The following RGS13 variants were observed in gnomAD, a reference collection of about 807,000 sequenced individuals.
RGS13 encodes regulator of G protein signaling 13.
A neutral mutation model predicts 19.9 loss-of-function variants in RGS13; 14 were observed. The observed-to-expected ratio is 0.70, with a 90% CI of 0.46 to 1.10. The LOEUF (loss-of-function observed/expected upper bound fraction) is 1.10, where lower values mean the gene tolerates loss of function less well. Ranked by LOEUF, RGS13 falls within the 50% of genes least tolerant of loss-of-function variation. RGS13 has a pLI of 0.00. For missense variants in RGS13, 205 were observed against 187.1 expected, an observed-to-expected ratio of 1.10 and a Z score of -0.56; for synonymous variants, 60 against 56.8, an observed-to-expected ratio of 1.06 and a Z score of -0.25.
chr1:192,643,722 G>A (rs1242956579), intron 3 of RGS13, among the ~76,000 whole-genome samples: 3 of 152,170 alleles, frequency 2.0e-5, no homozygotes, highest in Non-Finnish European at 4.4e-5. Flanking sequence ...AGCTGAGGTT[G>A]GCAGGTTGTT....
intron 3 of RGS13, among the ~76,000 whole-genome samples, chr1:192,640,885 G>GA (rs1225430137): frequency 1.3e-5 from 2 of 152,040 alleles, no homozygotes; most frequent in Non-Finnish European, 2.9e-5. Context: ...TCAGGAACCT[G>GA]AAATTCTATT....
chr1:192,655,843 A>G (rs1403454489), intron 5 of RGS13, among the ~76,000 whole-genome samples: 1 of 152,094 alleles, frequency 6.6e-6, no homozygotes, highest in Non-Finnish European at 1.5e-5. Flanking sequence ...AGAGATAGAT[A>G]GATGGAAACA....
chr1:192,644,474 ACTG>A, intron 4 of RGS13, 75 bp downstream of exon 4: 1 of 1,065,766 alleles, frequency 9.4e-7, no homozygotes, highest in Non-Finnish European at 1.4e-6. Flanking sequence ...TATTTATTAA[ACTG>A]CTATTGTAAC....
chr1:192,658,134 T>A, intron 5 of RGS13, 67 bp from the exon 6 acceptor site: 1 of 1,142,568 alleles, frequency 8.8e-7, no homozygotes, highest in Admixed American at 2.3e-5. Context: ...TTTTTTTAAC[T>A]GTATTGCTTA....
Position 192,660,238 on chromosome 1 carries a change from A to G in RGS13, c.*715A>G, listed in dbSNP as rs1327658357. On this transcript the variant is annotated 3_prime_UTR_variant, in exon 7 of 7. Transcript: ENST00000391995. Reference sequence around the variant, plus strand: ...TGAACTCATCGTGATCTTGGAAATCAATAAAGTCAAATATCAACTAAAGAC... The same window carrying G: ...TGAACTCATCGTGATCTTGGAAATCGATAAAGTCAAATATCAACTAAAGAC... 4 of 152,154 alleles carry G rather than the reference A, an allele frequency of 2.6e-5. No individual in the cohort carries two copies. The highest frequency in any genetic ancestry group is 4.4e-5 in the Non-Finnish European group (3 of 67,996). 9.4% of individuals were successfully genotyped at this position (152,154 alleles called of 1,614,324 possible).
At chr1:192,657,717 G>A (rs908852576) in intron 5 of RGS13, among the ~76,000 whole-genome samples, 1 of 152,020 alleles carries the variant, frequency 6.6e-6, no homozygotes, top group Admixed American at 6.6e-5. Context: ...AACACTCCAG[G>A]GTGTACAAAC....
intron 3 of RGS13, among the ~76,000 whole-genome samples, chr1:192,639,714 T>C (rs138536098): frequency 6.6e-6 from 1 of 152,248 alleles, no homozygotes; most frequent in Non-Finnish European, 1.5e-5. Context: ...AATCTGAGGT[T>C]TAATTAATAT....
chr1:192,658,068 A>T (rs1338604177), intron 5 of RGS13, 133 bp from the exon 6 acceptor site: 1 of 630,370 alleles, frequency 1.6e-6, no homozygotes, highest in Admixed American at 3.0e-5. Flanking sequence ...ATTGATATAT[A>T]GAGATAGATA....
At chr1:192,643,214 A>ACAGAAGAGGACAGAAGAGGACAG (rs1456247416) in intron 3 of RGS13, among the ~76,000 whole-genome samples, 1 of 152,094 alleles carries the variant, frequency 6.6e-6, no homozygotes, top group Non-Finnish European at 1.5e-5. Flanking sequence ...GACAGACAAG[A>ACAGAAGAGGACAGAAGAGGACAG]TGTATATTGA....
intron 5 of RGS13, among the ~76,000 whole-genome samples, chr1:192,653,175 A>T (rs1372824670): frequency 6.6e-6 from 1 of 152,128 alleles, no homozygotes; most frequent in Admixed American, 6.6e-5. Context: ...GATCTGAAAA[A>T]TTTAAGAAAA....
chr1:192,654,259 A>G (rs116406040), intron 5 of RGS13, among the ~76,000 whole-genome samples: 4,851 of 151,968 alleles, frequency 0.032, 111 homozygotes, highest in Non-Finnish European at 0.046. Flanking sequence ...GTATGCCATT[A>G]TGGAATATTT....
At chr1:192,641,901 T>C (rs1458235655) in intron 3 of RGS13, among the ~76,000 whole-genome samples, 1 of 152,116 alleles carries the variant, frequency 6.6e-6, no homozygotes, top group African/African-American at 2.4e-5. Flanking sequence ...ATCCAATGGG[T>C]CAACAAGTTC....
intron 3 of RGS13, among the ~76,000 whole-genome samples, chr1:192,639,894 G>A (rs1663076979): frequency 6.6e-6 from 1 of 152,132 alleles, no homozygotes; most frequent in Admixed American, 6.6e-5. Flanking sequence ...AGACCTTAGT[G>A]AGTGTTGCAT....
chr1:192,649,732 G>C (rs576532436), intron 5 of RGS13, among the ~76,000 whole-genome samples: 1 of 152,136 alleles, frequency 6.6e-6, no homozygotes, highest in African/African-American at 2.4e-5. Context: ...TTCTCCTCCA[G>C]GCTTTTGTTC....
chr1:192,659,561 A>G lies in RGS13; in HGVS notation c.*38A>G, dbSNP rs1235360462. 1 of 1,445,950 alleles carries G rather than the reference A, an allele frequency of 6.9e-7. No homozygotes were observed. The highest frequency in any genetic ancestry group is 9.5e-7 in the Non-Finnish European group (1 of 1,052,812). The allele number at this position is 1,445,950 out of a possible 1,614,324, so 89.6% of individuals were successfully genotyped here. ...AGTTTAAATAGAAAACAGTATATTG[A>G]AAGTGGTGGGTTTGATCTTTTTATT... On this transcript the variant is annotated 3_prime_UTR_variant, in exon 7 of 7. Coordinates refer to ENST00000391995, the MANE Select transcript of RGS13 (RefSeq NM_002927.5).
intron 5 of RGS13, among the ~76,000 whole-genome samples, chr1:192,654,573 G>A (rs1204284785): frequency 2.0e-5 from 3 of 152,050 alleles, no homozygotes; most frequent in African/African-American, 7.2e-5. Context: ...CAGTGGTACA[G>A]ATTGAAAATA....
intron 5 of RGS13, among the ~76,000 whole-genome samples, chr1:192,656,202 T>C (rs1234653229): frequency 1.3e-5 from 2 of 152,100 alleles, no homozygotes; most frequent in Non-Finnish European, 2.9e-5. Context: ...CCCATCCAAG[T>C]AGCCTGTGTG....
chr1:192,640,633 C>A (rs1663088557), intron 3 of RGS13, among the ~76,000 whole-genome samples: 1 of 126,062 alleles, frequency 7.9e-6, no homozygotes, highest in South Asian at 2.6e-4. Context: ...CATTTTCTTC[C>A]TTCCTATAGA....
At chr1:192,654,308 C>A (rs1433680114) in intron 5 of RGS13, among the ~76,000 whole-genome samples, 3 of 151,256 alleles carry the variant, frequency 2.0e-5, no homozygotes, top group Admixed American at 2.0e-4. Flanking sequence ...ATTTTATTTT[C>A]AGCCATAAAT....
Sources: gnomAD v4.1 joint callset for allele counts (sites outside exome capture counted in the v4.1 genomes callset) on GRCh38, gnomAD v4.1.1 for gene constraint, MANE v1.5 for transcripts, NCBI Gene and HGNC (gene_info 2026-07-23, HGNC 2026-07-21) for gene names.